Variants in DNAH14 observed in about 807,000 individuals in gnomAD.
DNAH14 encodes axonemal beta dynein heavy chain 14.
Under a neutral mutation model 520.9 loss-of-function variants are expected in DNAH14, and 478 were observed. The ratio of observed to expected loss-of-function variants is 0.92; its 90% CI spans 0.85 to 0.99. DNAH14 has a LOEUF of 0.99. Among genes scored for constraint, DNAH14 ranks in the 50% least tolerant of loss-of-function variants. The pLI is 0.00. For synonymous variants in DNAH14, 1,581 were observed against 1,757.2 expected (o/e 0.90, Z 2.51); for missense variants, 4,831 against 5,234.5 (o/e 0.92, Z 2.38).
intron 8 of DNAH14, among the ~76,000 whole-genome samples, chr1:224,992,895 T>C (rs1016781279): frequency 1.3e-5 from 2 of 152,076 alleles, no homozygotes; most frequent in Non-Finnish European, 2.9e-5. Flanking sequence ...CCTTAATTTG[T>C]TGAGGATTTT....
rs774739701 is a variant in DNAH14 at position 225,259,186 on chromosome 1, G to T, written c.7090G>T (p.Ala2364Ser). 1.0e-5 allele frequency: 16 copies of T among 1,545,600 alleles called. No individual in the cohort carries two copies. The African/African-American group carries it at 1.8e-4, about 17-fold the overall frequency. Residue 2364 changes from alanine (A) to serine (S), a missense_variant, in exon 46 of 86, where the codon GCA becomes TCA. Transcript: ENST00000682510. ...QMLEKLEGPGAFDIKHGSILG... is the reference protein window; with the variant it reads ...QMLEKLEGPGSFDIKHGSILG... Reference sequence around the variant, plus strand: ...GCTTGAAAAGCTAGAGGGTCCAGGAGCATTTGACATAAAACATGGTTCAAT... The same window carrying T: ...GCTTGAAAAGCTAGAGGGTCCAGGATCATTTGACATAAAACATGGTTCAAT...
chr1:225,272,334 T>C (rs1218342313), intron 51 of DNAH14, among the ~76,000 whole-genome samples: 1 of 152,218 alleles, frequency 6.6e-6, no homozygotes, highest in Non-Finnish European at 1.5e-5. Context: ...GGTTATAACA[T>C]AGATTTGGTG....
intron 69 of DNAH14, 141 bp downstream of exon 69, chr1:225,340,842 C>T: frequency 9.6e-7 from 1 of 1,037,944 alleles, no homozygotes; most frequent in Non-Finnish European, 1.4e-6. Flanking sequence ...GTGAATCACC[C>T]CATTTCTAAA....
rs1374779841 is a variant in DNAH14 at position 225,206,090 on chromosome 1, T to G, written c.6097T>G (p.Leu2033Val). 1.3e-6 allele frequency: 2 copies of G among 1,551,520 alleles called. No homozygotes were observed. Among genetic ancestry groups the G allele is most frequent in the African/African-American group, 1.4e-5 (1 of 73,160 alleles). The change falls in exon 40 of 86, where the codon TTA (leucine) becomes GTA (valine). Residue 2033 changes from leucine to valine, a missense_variant. Coordinates refer to ENST00000682510, the MANE Select transcript of DNAH14 (RefSeq NM_001367479.1). ...LCLANSERIA[L>V]TNKIRVIFEV... ...CCTAGCAAACAGTGAGAGAATAGCTTTAACTAATAAAATAAGAGTGATTTT... is the reference window on the plus strand; with the variant it reads ...CCTAGCAAACAGTGAGAGAATAGCTGTAACTAATAAAATAAGAGTGATTTT...
intron 9 of DNAH14, among the ~76,000 whole-genome samples, chr1:225,005,254 G>GT (rs1285714796): frequency 6.6e-6 from 1 of 152,108 alleles, no homozygotes; most frequent in African/African-American, 2.4e-5. Flanking sequence ...GTAAATATTT[G>GT]TGTCCCACTC....
At chr1:225,030,417 A>G (rs2066440873) in intron 11 of DNAH14, among the ~76,000 whole-genome samples, 1 of 151,798 alleles carries the variant, frequency 6.6e-6, no homozygotes, top group South Asian at 2.1e-4. Context: ...TTTCTTTTAA[A>G]GGTTTGGGCT....
chr1:224,979,155 A>G (rs949513986), intron 8 of DNAH14, among the ~76,000 whole-genome samples: 2 of 152,170 alleles, frequency 1.3e-5, no homozygotes, highest in African/African-American at 2.4e-5. Context: ...TAAAAAAAGC[A>G]TCTTCATAAC....
chr1:225,150,736 AT>A (rs34780466), intron 31 of DNAH14, among the ~76,000 whole-genome samples: 38,277 of 148,946 alleles, frequency 0.26, 7,234 homozygotes, highest in African/African-American at 0.53. Context: ...TTCCACATAC[AT>A]TTTTTTTTTA....
At chr1:225,266,850 A>T (rs1440154379) in intron 49 of DNAH14, 81 bp downstream of exon 49, 4 of 1,326,600 alleles carry the variant, frequency 3.0e-6, no homozygotes. Flanking sequence ...TGTTGAGTGA[A>T]TTGCTTGAGA....
At chr1:225,217,804 G>C (rs1212493085) in intron 41 of DNAH14, among the ~76,000 whole-genome samples, 1 of 152,130 alleles carries the variant, frequency 6.6e-6, no homozygotes, top group African/African-American at 2.4e-5. Flanking sequence ...GTCTGTCACG[G>C]CTTCCCTTTG....
intron 41 of DNAH14, among the ~76,000 whole-genome samples, chr1:225,209,321 T>C (rs1002413666): frequency 3.3e-5 from 5 of 152,188 alleles, no homozygotes; most frequent in African/African-American, 9.7e-5. Flanking sequence ...AGTGTTACTA[T>C]AGTTACCTTC....
chr1:225,003,432 T>C (rs1192453808), intron 9 of DNAH14, among the ~76,000 whole-genome samples: 1 of 152,042 alleles, frequency 6.6e-6, no homozygotes, highest in Non-Finnish European at 1.5e-5. Context: ...TCTAGCAGAT[T>C]TTACTTCACT....
rs1003387253 is a variant in DNAH14 at position 225,153,615 on chromosome 1, A to G, written c.5197-135A>G. ...AATGAGAGCATTAGCAGTATAACCA[A>G]GGGTTTTTTGGATTCATGTCACTGT... On this transcript the variant is annotated intron_variant, in intron 33 of 85. Transcript: ENST00000682510. The G allele has an allele frequency of 1.4e-5, 8 of 570,982 alleles. No individual in the cohort carries two copies. The East Asian group carries it at 2.5e-4, about 17-fold the overall frequency. 35.4% of individuals were successfully genotyped at this position (570,982 alleles called of 1,614,324 possible).
At chr1:225,240,453 C>A in intron 42 of DNAH14, 140 bp from the exon 43 acceptor site, 1 of 516,076 alleles carries the variant, frequency 1.9e-6, no homozygotes, top group Non-Finnish European at 3.3e-6. Context: ...TTTACATAAA[C>A]TCTGAAACTT....
intron 17 of DNAH14, among the ~76,000 whole-genome samples, chr1:225,056,790 A>C (rs1160358349): frequency 8.6e-5 from 13 of 152,028 alleles, no homozygotes; most frequent in African/African-American, 1.4e-4. Flanking sequence ...AATAGGGAAT[A>C]CTTTCCCCAT....
intron 41 of DNAH14, among the ~76,000 whole-genome samples, chr1:225,209,405 G>A (rs2088030809): frequency 6.6e-6 from 1 of 151,826 alleles, no homozygotes; most frequent in Admixed American, 6.6e-5. Context: ...TTTGTTACTT[G>A]GTTCAAGGTT....
chr1:225,081,936 A>G (rs754722213), intron 19 of DNAH14, among the ~76,000 whole-genome samples: 1 of 151,930 alleles, frequency 6.6e-6, no homozygotes, highest in Non-Finnish European at 1.5e-5. Flanking sequence ...GTGATGGTAT[A>G]TTTTTTCCCT....
rs150460440 is a variant in DNAH14, at chr1:225,341,634, C to A, written c.10678+933C>A. On this transcript the variant is annotated intron_variant, in intron 69 of 85. Transcript: ENST00000682510. ...TGAGTCAAGATGGTGCCATTGCACT[C>A]CAGCTTGGGTTAGAAGAGCAAAACT... Among the ~76,000 whole-genome samples the A allele has an allele frequency of 6.3e-3, 954 of 152,240 alleles. 10 individuals carry two copies. The highest frequency in any genetic ancestry group is 0.019 in the African/African-American group (786 of 41,546).
At chr1:225,096,422 T>C (rs74147103) in intron 21 of DNAH14, among the ~76,000 whole-genome samples, 3,885 of 152,266 alleles carry the variant, frequency 0.026, 130 homozygotes, top group African/African-American at 0.08. Flanking sequence ...TTATAAATGG[T>C]TCCCCATGAG....
Sources: gnomAD v4.1 joint callset for allele counts (sites outside exome capture counted in the v4.1 genomes callset) on GRCh38, gnomAD v4.1.1 for gene constraint, MANE v1.5 for transcripts, NCBI Gene and HGNC (gene_info 2026-07-23, HGNC 2026-07-21) for gene names.